The following FLNA variants were observed in gnomAD, a reference collection of about 807,000 sequenced individuals.
The protein encoded by FLNA is filamin-A.
A neutral mutation model predicts 157.6 loss-of-function variants in FLNA; 7 were observed. The ratio of observed to expected loss-of-function variants is 0.04; its 90% CI spans 0.03 to 0.08. FLNA has a LOEUF of 0.08. Ranked by LOEUF, FLNA falls within the 10% of genes least tolerant of loss-of-function variation. The probability of loss-of-function intolerance (pLI) is 1.00; values close to 1 mark genes in which losing one functional copy is unlikely to be tolerated. For missense variants in FLNA, 1,750 were observed against 2,398.4 expected (o/e 0.73, Z 5.65); for synonymous variants, 1,103 against 1,060.8 (o/e 1.04, Z -0.77).
chrX:154,371,579 C>G (rs2067809256), intron 1 of FLNA, among the ~76,000 whole-genome samples: 1 of 113,064 alleles, frequency 8.8e-6, no homozygotes, highest in Non-Finnish European at 1.9e-5. Flanking sequence ...CAAGGATGCT[C>G]CCAGCCCCGC....
intron 8 of FLNA, 40 bp from the exon 9 acceptor site, chrX:154,366,264 G>A (rs781922706): frequency 2.5e-5 from 30 of 1,209,160 alleles, no homozygotes; most frequent in East Asian, 3.0e-5. Flanking sequence ...GCCCCAGTGC[G>A]GCTCTCCCCA....
chrX:154,352,433 C>T lies in FLNA; in HGVS notation c.6517G>A (p.Asp2173Asn), dbSNP rs2148104151. The change falls in exon 41 of 48, where the codon GAT becomes AAT. Residue 2173 changes from aspartate (D) to asparagine (N), a missense_variant. Asp to Asn is a conservative substitution (Grantham distance 23). Coordinates refer to ENST00000369850, the MANE Select transcript of FLNA (RefSeq NM_001110556.2). ...SLKIPEISIQ[D>N]MTAQVTSPSG... ...GGGCTGGTCACCTGGGCTGTCATAT[C>T]CTGGATGCTAATTTCTGCAGGGTGG... 8.3e-7 allele frequency: 1 copy of T among 1,211,839 alleles called. No homozygotes were observed. The highest frequency in any genetic ancestry group is 3.0e-5 in the East Asian group (1 of 33,850).
chrX:154,349,867 C>T lies in FLNA; in HGVS notation c.7334G>A (p.Gly2445Glu), dbSNP rs1557175403. 1.7e-6 allele frequency: 2 copies of T among 1,209,715 alleles called. No homozygotes were observed. The highest frequency in any genetic ancestry group is 3.0e-5 in the East Asian group (1 of 33,831). Residue 2445 changes from glycine to glutamate, a missense_variant and splice_region_variant, in exon 46 of 48, where the codon GGG (glycine) becomes GAG (glutamate). Around this residue, in one of 5 missense-constraint regions of FLNA, gnomAD observed 970 missense variants for 1,302.6 expected, o/e 0.74. Coordinates refer to ENST00000369850, the MANE Select transcript of FLNA (RefSeq NM_001110556.2). The part of the protein sequence containing the change: ...YGAGLEGGVT[G>E]NPAEFVVNTS... The stretch of plus-strand genomic sequence containing the variant: ...GTTCACGACGAACTCAGCTGGGTTC[C>T]CTGGGAGCACAGGAGGTCAGGCAGA...
Position 154,362,172 on chromosome X carries a change from T to G in FLNA, c.2657-24A>C, listed in dbSNP as rs1557178173. The stretch of plus-strand genomic sequence containing the variant: ...ACCTGAGGAACACACAGGGACCATG[T>G]AGGGGCACCCTGCCCCAAGCCCTCC... On this transcript the variant is annotated intron_variant, in intron 18 of 47. Transcript: ENST00000369850. 2.5e-6 allele frequency: 3 copies of G among 1,210,484 alleles called. No individual in the cohort carries two copies. The Admixed American group carries it at 6.5e-5, about 26-fold the overall frequency.
chrX:154,364,988 C>G, intron 11 of FLNA, 31 bp from the exon 12 acceptor site: 2 of 1,210,773 alleles, frequency 1.7e-6, no homozygotes, highest in Non-Finnish European at 1.1e-6. Flanking sequence ...CAGGGAACAC[C>G]GAGGATCACC....
chrX:154,353,397 T>C lies in FLNA; in HGVS notation c.5921A>G (p.Asn1974Ser), dbSNP rs2067637324. 8.3e-7 allele frequency: 1 copy of C among 1,211,435 alleles called. No homozygotes were observed. The highest frequency in any genetic ancestry group is 1.1e-6 in the Non-Finnish European group (1 of 895,401). Residue 1974 changes from asparagine to serine, a missense_variant, in exon 37 of 48, where the codon AAC becomes AGC. By Grantham distance (46) the Asn-to-Ser change is conservative. Transcript: ENST00000369850. ...CAGGCTGAGATCCGTCTCTGAGATG[T>C]TGATGGGGATGTCGGCAGCAGAGCC... is the stretch of plus-strand genomic sequence containing the variant. The part of the protein sequence containing the change: ...KVGSAADIPI[N>S]ISETDLSLLT...
chrX:154,359,464 G>A lies in FLNA; in HGVS notation c.4142+20C>T. 8.3e-7 allele frequency: 1 copy of A among 1,211,599 alleles called. No individual in the cohort carries two copies. Among genetic ancestry groups the A allele is most frequent in the Middle Eastern group, 2.3e-4 (1 of 4,354 alleles). Reference sequence around the variant, plus strand: ...GTTCCCAGGCCCACCAGCCACACGGGCTCCTGGGGGCTCCCTTACCTGGTC... The same window carrying A: ...GTTCCCAGGCCCACCAGCCACACGGACTCCTGGGGGCTCCCTTACCTGGTC... On this transcript the variant is annotated intron_variant, in intron 24 of 47. Coordinates refer to ENST00000369850, the MANE Select transcript of FLNA (RefSeq NM_001110556.2).
chrX:154,367,709 C>G lies in FLNA; in HGVS notation c.652G>C (p.Ala218Pro). 1 of 1,211,167 alleles carries G rather than the reference C, an allele frequency of 8.3e-7. No homozygotes were observed. The highest frequency in any genetic ancestry group is 2.2e-5 in the Admixed American group (1 of 46,110). ...GLCPDWDSWD[A>P]SKPVTNAREA... The stretch of plus-strand genomic sequence containing the variant: ...CGCGCATTGGTAACGGGCTTGCTGG[C>G]GTCCCAAGAGTCCCAGTCAGGACAC... The change falls in exon 4 of 48, where the codon GCC (alanine) becomes CCC (proline). Residue 218 changes from alanine to proline, a missense_variant. By Grantham distance (27) the Ala-to-Pro change is conservative. Around this residue, in one of 5 missense-constraint regions of FLNA, gnomAD observed 71 missense variants for 239.5 expected, o/e 0.30. Transcript: ENST00000369850.
rs781895805 is a variant in FLNA, at chrX:154,371,156, G to A, written c.90C>T (p.Ala30=). ...GVDTRDAEMP[A]TEKDLAEDAP... is the part of the protein sequence containing the mutation. ...CGTCCTCCGCCAGGTCCTTCTCGGT[G>A]GCCGGCATCTCGGCGTCCCGCGTGT... Residue 30 remains alanine, a synonymous_variant, in exon 2 of 48, where the codon GCC becomes GCT. Coordinates refer to ENST00000369850, the MANE Select transcript of FLNA (RefSeq NM_001110556.2). 8.3e-7 allele frequency: 1 copy of A among 1,200,268 alleles called. No homozygotes were observed. Among genetic ancestry groups the A allele is most frequent in the Non-Finnish European group, 1.1e-6 (1 of 890,249 alleles).
intron 2 of FLNA, 42 bp from the exon 3 acceptor site, chrX:154,368,132 G>A (rs782248519): frequency 1.1e-5 from 13 of 1,207,396 alleles, no homozygotes; most frequent in Admixed American, 2.2e-5. Flanking sequence ...ACGGCTGTGC[G>A]GGAGGGGCCG....
At chrX:154,357,830 A>C (rs1406820388) in intron 28 of FLNA, among the ~76,000 whole-genome samples, 1 of 112,743 alleles carries the variant, frequency 8.9e-6, no homozygotes, top group Non-Finnish European at 1.9e-5. Context: ...ACATGACAAC[A>C]GGCGCGGCCA....
Position 154,358,169 on chromosome X carries a change from C to T in FLNA, c.4755+30G>A. On this transcript the variant is annotated intron_variant, in intron 28 of 47. Transcript: ENST00000369850. ...CCACACTCCAGCCGCCCAGGCCCCC[C>T]TGCCTCCCCTGCCTGTGCCCGGAGC... 1 of 1,206,380 alleles carries T rather than the reference C, an allele frequency of 8.3e-7. No homozygotes were observed. The highest frequency in any genetic ancestry group is 1.1e-6 in the Non-Finnish European group (1 of 892,711).
At chrX:154,361,178 T>C (rs1276919847) in intron 21 of FLNA, 130 bp downstream of exon 21, 76 of 636,679 alleles carry the variant, frequency 1.2e-4, no homozygotes, top group Non-Finnish European at 1.5e-4. Flanking sequence ...AGGGTCAAGG[T>C]TGACAGTCTG....
intron 44 of FLNA, 124 bp from the exon 45 acceptor site, chrX:154,350,331 C>G: frequency 1.6e-6 from 1 of 613,595 alleles, no homozygotes; most frequent in African/African-American, 2.2e-5. Context: ...TGAGCCCAGC[C>G]ACGCTGGGCA....
Position 154,364,071 on chromosome X carries a change from G to A in FLNA, c.2231C>T (p.Thr744Ile). Residue 744 changes from threonine (T) to isoleucine (I), a missense_variant, in exon 15 of 48, where the codon ACA becomes ATA. Physicochemically the swap from Thr to Ile is moderately conservative, Grantham distance 89 (BLOSUM62 -1). Around this residue, in one of 5 missense-constraint regions of FLNA, gnomAD observed 648 missense variants for 805.8 expected, o/e 0.80. Transcript: ENST00000369850. ...SYVPRKPVKHTAMVSWGGVSI... is the reference protein window; with the variant it reads ...SYVPRKPVKHIAMVSWGGVSI... ...GACGCCTCCCCAGGACACCATGGCT[G>A]TGTGCTTCACCGGCTTCCTGGGCAC... 8.3e-7 allele frequency: 1 copy of A among 1,211,406 alleles called. No homozygotes were observed. Among genetic ancestry groups the A allele is most frequent in the Non-Finnish European group, 1.1e-6 (1 of 895,233 alleles).
rs782611953 is a variant in FLNA, at chrX:154,365,163, G to C, written c.1664C>G (p.Thr555Arg). 6 of 1,211,715 alleles carry C rather than the reference G, an allele frequency of 5.0e-6. No homozygotes were observed. The highest frequency in any genetic ancestry group is 6.7e-6 in the Non-Finnish European group (6 of 895,349). ...MVPGTYIVTITWGGQNIGRSP... is the reference protein window; with the variant it reads ...MVPGTYIVTIRWGGQNIGRSP... ...GCGCCCGATGTTCTGACCACCCCAC[G>C]TGATGGTGACGATATAGGTTCCAGG... The change falls in exon 11 of 48, where the codon ACG becomes AGG. Residue 555 changes from threonine (T) to arginine (R), a missense_variant. Physicochemically the swap from Thr to Arg is moderately conservative, Grantham distance 71. This residue lies in a region of FLNA where 648 missense variants were observed against 805.8 expected (regional missense o/e 0.80). Coordinates refer to ENST00000369850, the MANE Select transcript of FLNA (RefSeq NM_001110556.2).
rs878854463 is a variant in FLNA, at chrX:154,350,169, C to T, written c.7195G>A (p.Val2399Ile). The T allele has an allele frequency of 3.3e-6, 4 of 1,210,425 alleles. No homozygotes were observed. Among genetic ancestry groups the T allele is most frequent in the Non-Finnish European group, 4.5e-6 (4 of 895,094 alleles). ...TTGAACTTGACGTCAATCAGGTAAACGCCATTCTCCCGAGGGATGAAGCGC... is the reference window on the plus strand; with the variant it reads ...TTGAACTTGACGTCAATCAGGTAAATGCCATTCTCCCGAGGGATGAAGCGC... ...AVRFIPRENG[V>I]YLIDVKFNGT... Residue 2399 changes from valine (V) to isoleucine (I), a missense_variant, in exon 45 of 48, where the codon GTT becomes ATT. By Grantham distance (29) the Val-to-Ile change is conservative (BLOSUM62 3). Coordinates refer to ENST00000369850, the MANE Select transcript of FLNA (RefSeq NM_001110556.2).
rs200787122 is a variant in FLNA, at chrX:154,354,012, G to A, written c.5589C>T (p.Val1863=). ...GSPLQFYVDY[V]NCGHVTAYGP... ...CATAGGCAGTGACATGGCCACAGTT[G>A]ACGTAATCCACATAGAACTGCAAGG... The change falls in exon 35 of 48, where the codon GTC becomes GTT. Residue 1863 remains valine, a synonymous_variant. Transcript: ENST00000369850. 823 of 1,210,805 alleles carry A rather than the reference G, an allele frequency of 6.8e-4. 1 individual carries two copies. Among genetic ancestry groups the A allele is most frequent in the Non-Finnish European group, 8.5e-4 (765 of 895,214 alleles).
Position 154,360,603 on chromosome X carries a change from G to T in FLNA, c.3208-16C>A, listed in dbSNP as rs2067698849. Reference sequence around the variant, plus strand: ...ACGCCTTCACCTGAGGGAAGAAGGGGTCAGGAGCCAAGGCCACACTATGCC... The same window carrying T: ...ACGCCTTCACCTGAGGGAAGAAGGGTTCAGGAGCCAAGGCCACACTATGCC... On this transcript the variant is annotated splice_polypyrimidine_tract_variant and intron_variant, in intron 21 of 47. Transcript: ENST00000369850. The T allele has an allele frequency of 8.5e-7, 1 of 1,178,268 alleles. No homozygotes were observed. Among genetic ancestry groups the T allele is most frequent in the African/African-American group, 1.8e-5 (1 of 56,923 alleles).
Sources: allele counts gnomAD v4.1 joint callset (sites outside exome capture counted in the v4.1 genomes callset), GRCh38; gene constraint gnomAD v4.1.1; regional missense constraint gnomAD v4.1.1; transcripts MANE v1.5; gene names NCBI Gene and HGNC (gene_info 2026-07-23, HGNC 2026-07-21).